The following UBA2 variants were observed in gnomAD, a reference collection of about 807,000 sequenced individuals.
UBA2 encodes the protein SUMO-activating enzyme subunit 2.
In UBA2, 11 loss-of-function variants were observed where a neutral mutation model predicts 77.2. The ratio of observed to expected loss-of-function variants is 0.14; its 90% CI spans 0.09 to 0.24. The LOEUF is 0.24. UBA2 is among the 10% of genes least tolerant of loss of function. The pLI, the probability that UBA2 is intolerant of heterozygous loss-of-function variation, is 1.00. For missense variants in UBA2, 487 were observed against 781.7 expected (o/e 0.62, Z 4.50); for synonymous variants, 278 against 276.7 (o/e 1.00, Z -0.05).
chr19:34,459,204 T>C (rs1326072542), intron 13 of UBA2, among the ~76,000 whole-genome samples: 1 of 152,162 alleles, frequency 6.6e-6, no homozygotes, highest in African/African-American at 2.4e-5. Context: ...GCTCTTTGCT[T>C]CCCAGGCAGT....
At chr19:34,439,975 T>G (rs1037322153) in intron 6 of UBA2, among the ~76,000 whole-genome samples, 9 of 151,966 alleles carry the variant, frequency 5.9e-5, no homozygotes, top group Non-Finnish European at 1.2e-4. Context: ...GGGATGATAA[T>G]AAGACCATGG....
intron 3 of UBA2, 145 bp downstream of exon 3, chr19:34,432,076 T>G (rs2075262599): frequency 7.3e-6 from 4 of 549,092 alleles, no homozygotes; most frequent in Non-Finnish European, 1.3e-5. Context: ...AGTGGCATTC[T>G]TTTTACCAGT....
chr19:34,458,382 C>T (rs1455890747), intron 12 of UBA2, among the ~76,000 whole-genome samples: 2 of 151,138 alleles, frequency 1.3e-5, no homozygotes, highest in South Asian at 2.1e-4. Context: ...GGTGAAACCC[C>T]GTCTCTACTA....
chr19:34,438,443 G>A (rs911411171), intron 5 of UBA2, among the ~76,000 whole-genome samples: 1 of 152,204 alleles, frequency 6.6e-6, no homozygotes, highest in Non-Finnish European at 1.5e-5. Flanking sequence ...TCCTGGCACA[G>A]CCTTAGCTAT....
intron 3 of UBA2, among the ~76,000 whole-genome samples, chr19:34,433,082 C>T (rs2075272950): frequency 6.6e-6 from 1 of 152,192 alleles, no homozygotes; most frequent in African/African-American, 2.4e-5. Flanking sequence ...CCTAGTGGGA[C>T]TAGTGAAGTC....
intron 14 of UBA2, 109 bp downstream of exon 14, chr19:34,460,675 A>T: frequency 1.3e-6 from 1 of 769,098 alleles, no homozygotes; most frequent in Non-Finnish European, 2.0e-6. Context: ...AGAGAGTGGC[A>T]GTGTTTGGTC....
chr19:34,445,878 A>C (rs1486540673), intron 8 of UBA2, among the ~76,000 whole-genome samples: 2 of 152,138 alleles, frequency 1.3e-5, no homozygotes, highest in Non-Finnish European at 2.9e-5. Flanking sequence ...TTGCCTGTTA[A>C]ATATTTCTAG....
In UBA2 at chr19:34,443,802, A is replaced by G. The variant is rs753959285; in HGVS notation, c.582-42A>G. ...ATTCTAAATTACATGTTTGTTTAGA[A>G]TGCTTTGTTATACAGAAGTATTTAC... On this transcript the variant is annotated intron_variant, in intron 6 of 16. Transcript: ENST00000246548. 2.5e-6 allele frequency: 3 copies of G among 1,219,796 alleles called. No homozygotes were observed. In the East Asian group the frequency reaches 7.0e-5, roughly 28 times the overall value. The allele number at this position is 1,219,796 out of a possible 1,614,324, so 75.6% of individuals were successfully genotyped here. A position where few individuals can be genotyped will look rare whatever the true frequency, so the allele number is the denominator to read the frequency against.
At chr19:34,446,608 CTTTCTTT>C (rs1401275938) in intron 8 of UBA2, among the ~76,000 whole-genome samples, 21 of 145,196 alleles carry the variant, frequency 1.4e-4, no homozygotes, top group African/African-American at 2.7e-4. Flanking sequence ...TTTTTTTTTT[CTTTCTTT>C]TTTTTTTTTT....
At chr19:34,456,963 G>A (rs1450394500) in intron 12 of UBA2, among the ~76,000 whole-genome samples, 1 of 151,418 alleles carries the variant, frequency 6.6e-6, no homozygotes, top group Non-Finnish European at 1.5e-5. Context: ...TTATTAAAAT[G>A]TCTGTTATTT....
chr19:34,451,047 C>T (rs2075489176), intron 9 of UBA2, among the ~76,000 whole-genome samples: 2 of 152,096 alleles, frequency 1.3e-5, no homozygotes, highest in South Asian at 4.1e-4. Flanking sequence ...GATTAGAGTG[C>T]AGTGGCTGTT....
intron 12 of UBA2, among the ~76,000 whole-genome samples, 174 bp downstream of exon 12, chr19:34,454,730 C>CA: frequency 6.6e-6 from 1 of 152,232 alleles, no homozygotes; most frequent in East Asian, 1.9e-4. Flanking sequence ...GAAATTGCAA[C>CA]AAAAAGGAAA....
chr19:34,459,742 G>C (rs920582780), intron 13 of UBA2, among the ~76,000 whole-genome samples: 6 of 152,122 alleles, frequency 3.9e-5, no homozygotes, highest in Non-Finnish European at 4.4e-5. Context: ...ATATTTACAT[G>C]CCTCTTGAGA....
intron 6 of UBA2, among the ~76,000 whole-genome samples, chr19:34,442,707 A>G (rs1166543882): frequency 1.3e-5 from 2 of 152,210 alleles, no homozygotes; most frequent in African/African-American, 4.8e-5. Flanking sequence ...TTGGGATTAC[A>G]CATGTGAGCC....
chr19:34,466,236 A>G (rs971536197), intron 15 of UBA2, among the ~76,000 whole-genome samples: 1 of 152,122 alleles, frequency 6.6e-6, no homozygotes, highest in Non-Finnish European at 1.5e-5. Flanking sequence ...TGGGAGGCTG[A>G]GGCAGAAGAA....
At chr19:34,459,483 A>C (rs2075607738) in intron 13 of UBA2, among the ~76,000 whole-genome samples, 1 of 152,148 alleles carries the variant, frequency 6.6e-6, no homozygotes, top group Admixed American at 6.6e-5. Context: ...CACTTATCTA[A>C]TATGACCTGA....
chr19:34,464,187 A>C, intron 15 of UBA2, 56 bp downstream of exon 15: 1 of 1,212,892 alleles, frequency 8.2e-7, no homozygotes, highest in Non-Finnish European at 1.2e-6. Flanking sequence ...TAAACTTTAG[A>C]CAAAATGAAG....
At chr19:34,448,395 G>A (rs1227406908) in intron 8 of UBA2, among the ~76,000 whole-genome samples, 4 of 151,976 alleles carry the variant, frequency 2.6e-5, no homozygotes, top group Admixed American at 2.6e-4. Flanking sequence ...AGGAGCACAA[G>A]ACCAGCCTGG....
intron 1 of UBA2, chr19:34,429,284 A>G (rs2075224692): frequency 8.2e-6 from 8 of 977,276 alleles, no homozygotes; most frequent in African/African-American, 1.8e-5. Flanking sequence ...GTGTACGTTG[A>G]CAAGCCAGTG....
Sources: gnomAD v4.1 joint callset for allele counts (sites outside exome capture counted in the v4.1 genomes callset) on GRCh38, gnomAD v4.1.1 for gene constraint, MANE v1.5 for transcripts, NCBI Gene and HGNC (gene_info 2026-07-23, HGNC 2026-07-21) for gene names.